UGT2B7: variants seen among roughly 807,000 people sequenced by gnomAD.
UGT2B7 encodes UDP glucuronosyltransferase family 2 member B7, also known as UDP-glucuronosyltransferase 2B7.
A neutral mutation model predicts 51.9 loss-of-function variants in UGT2B7; 51 were observed. That is an observed-to-expected ratio of 0.98 (90% CI 0.78 to 1.24). The LOEUF (loss-of-function observed/expected upper bound fraction) is 1.24, where lower values mean the gene tolerates loss of function less well. Ranked by LOEUF, UGT2B7 falls within the 50% of genes most tolerant of loss-of-function variation. The pLI is 0.00. For missense variants in UGT2B7, 727 were observed against 628.4 expected, an observed-to-expected ratio of 1.16 and a Z score of -1.68; for synonymous variants, 225 against 211.6, an observed-to-expected ratio of 1.06 and a Z score of -0.55.
At chr4:69,057,596 A>G (rs1326888992) in intron 1 of UGT2B7, among the ~76,000 whole-genome samples, 2 of 152,212 alleles carry the variant, frequency 1.3e-5, no homozygotes, top group East Asian at 1.9e-4. Flanking sequence ...TCATAACAGC[A>G]CTATTACAAA....
intron 2 of UGT2B7, among the ~76,000 whole-genome samples, chr4:69,099,599 A>C (rs1415503809): frequency 1.3e-5 from 2 of 152,044 alleles, no homozygotes; most frequent in Non-Finnish European, 2.9e-5. Flanking sequence ...AGTTGATAGA[A>C]ATCATTATGC....
chr4:69,089,202 A>C (rs1719030100), intron 1 of UGT2B7, among the ~76,000 whole-genome samples: 1 of 152,164 alleles, frequency 6.6e-6, no homozygotes, highest in East Asian at 1.9e-4. Flanking sequence ...AGAATTAGCT[A>C]TCTACCAAAT....
intron 2 of UGT2B7, among the ~76,000 whole-genome samples, chr4:69,102,127 A>T (rs1465268516): frequency 1.3e-5 from 2 of 152,200 alleles, no homozygotes; most frequent in African/African-American, 2.4e-5. Flanking sequence ...AATTCATAGA[A>T]ATTCCAAATT....
chr4:69,109,727 T>C (rs1351069316), intron 5 of UGT2B7, among the ~76,000 whole-genome samples: 2 of 151,812 alleles, frequency 1.3e-5, no homozygotes, highest in African/African-American at 2.4e-5. Context: ...TAATTTTAAG[T>C]TAAATTTTTA....
At chr4:69,060,982 C>G (rs1287882621) in intron 1 of UGT2B7, among the ~76,000 whole-genome samples, 1 of 152,158 alleles carries the variant, frequency 6.6e-6, no homozygotes, top group East Asian at 1.9e-4. Context: ...CCAGAGAGAT[C>G]TGACAGATCG....
At chr4:69,058,811 G>A (rs925962349) in intron 1 of UGT2B7, among the ~76,000 whole-genome samples, 5 of 152,200 alleles carry the variant, frequency 3.3e-5, no homozygotes, top group Non-Finnish European at 7.3e-5. Flanking sequence ...CTGATTGGCT[G>A]GCAGCAGCTC....
intron 1 of UGT2B7, among the ~76,000 whole-genome samples, chr4:69,073,015 T>A (rs1037741499): frequency 6.6e-6 from 1 of 152,132 alleles, no homozygotes; most frequent in African/African-American, 2.4e-5. Flanking sequence ...AGCTTAGAGT[T>A]GGCCCACTGG....
chr4:69,079,807 A>G (rs1718794376), intron 1 of UGT2B7, among the ~76,000 whole-genome samples: 2 of 152,226 alleles, frequency 1.3e-5, no homozygotes, highest in African/African-American at 4.8e-5. Context: ...ACATAATCTT[A>G]AAACCTGACT....
At position 69,088,673 on chromosome 4, in the gene UGT2B7, G is replaced by A. The variant is rs1719018133; in HGVS notation, c.-158-799G>A. ...GGAACTGGTCAGACTCCTCAGCGTG[G>A]CATTCCTGCTAATAGGAACACCAAG... On this transcript the variant is annotated intron_variant, in intron 1 of 5. Transcript: ENST00000502942. 2.6e-5 allele frequency among the ~76,000 whole-genome samples: 4 copies of A among 152,092 alleles called. No individual in the cohort carries two copies. The South Asian group carries it at 8.3e-4, about 31-fold the overall frequency.
At chr4:69,094,053 G>A (rs999255901), upstream of UGT2B7, among the ~76,000 whole-genome samples, 1 of 150,954 alleles carries the variant, frequency 6.6e-6, no homozygotes, top group African/African-American at 2.4e-5. Context: ...CTTCTGAGAT[G>A]TTGCAGATTT....
At chr4:69,107,412 A>C (rs1039954202) in intron 4 of UGT2B7, 150 bp downstream of exon 4, 1 of 918,506 alleles carries the variant, frequency 1.1e-6, no homozygotes, top group African/African-American at 2.9e-5. Context: ...AGGGAGAAAG[A>C]ATACATTATA....
At chr4:69,084,236 C>A (rs191272281) in intron 1 of UGT2B7, among the ~76,000 whole-genome samples, 1 of 151,614 alleles carries the variant, frequency 6.6e-6, no homozygotes, top group African/African-American at 2.4e-5. Context: ...AGTTCCTCAT[C>A]ATGTATAATC....
intron 1 of UGT2B7, among the ~76,000 whole-genome samples, chr4:69,076,943 T>C (rs897882047): frequency 6.6e-6 from 1 of 152,206 alleles, no homozygotes; most frequent in African/African-American, 2.4e-5. Context: ...TTAGTCCATC[T>C]TGAGTTAATT....
chr4:69,072,923 A>C (rs1227343087), intron 1 of UGT2B7, among the ~76,000 whole-genome samples: 1 of 152,150 alleles, frequency 6.6e-6, no homozygotes, highest in Non-Finnish European at 1.5e-5. Flanking sequence ...TCTTGGCAAA[A>C]TTTGGATGAG....
At chr4:69,075,473 C>T (rs7677996) in intron 1 of UGT2B7, among the ~76,000 whole-genome samples, 65,256 of 151,790 alleles carry the variant, frequency 0.43, 15,574 homozygotes, top group African/African-American at 0.64. Context: ...AAAGTCCTGA[C>T]GATAAAGGAC....
chr4:69,102,219 C>T (rs781557281), intron 2 of UGT2B7, among the ~76,000 whole-genome samples: 1 of 152,008 alleles, frequency 6.6e-6, no homozygotes, highest in South Asian at 2.1e-4. Flanking sequence ...TGAAAAACTA[C>T]CAGAAAACTC....
intron 1 of UGT2B7, among the ~76,000 whole-genome samples, chr4:69,063,812 C>T (rs532260163): frequency 6.6e-6 from 1 of 152,060 alleles, no homozygotes; most frequent in East Asian, 1.9e-4. Context: ...CTTAATGTTC[C>T]CTTGCCTCTT....
intron 3 of UGT2B7, among the ~76,000 whole-genome samples, chr4:69,106,172 C>CA (rs1332878462): frequency 6.6e-6 from 1 of 152,028 alleles, no homozygotes; most frequent in Non-Finnish European, 1.5e-5. Context: ...AAACTTGTGT[C>CA]ATGGGGGGTT....
At chr4:69,072,850 G>A (rs1718629538) in intron 1 of UGT2B7, among the ~76,000 whole-genome samples, 1 of 152,072 alleles carries the variant, frequency 6.6e-6, no homozygotes, top group Non-Finnish European at 1.5e-5. Context: ...AACTTGTAAA[G>A]CATAAAATTT....
Sources: allele counts gnomAD v4.1 joint callset (sites outside exome capture counted in the v4.1 genomes callset), GRCh38; gene constraint gnomAD v4.1.1; transcripts MANE v1.5; gene names NCBI Gene and HGNC (gene_info 2026-07-23, HGNC 2026-07-21).